SMURF1: variants seen among roughly 807,000 people sequenced by gnomAD.
SMURF1 encodes SMAD specific E3 ubiquitin protein ligase 1.
Under a neutral mutation model 98.0 loss-of-function variants are expected in SMURF1, and 44 were observed. The ratio of observed to expected loss-of-function variants is 0.45; its 90% confidence interval spans 0.35 to 0.58. SMURF1 has a LOEUF of 0.58. SMURF1 is among the 20% of genes least tolerant of loss of function. The probability of loss-of-function intolerance (pLI) is 0.00; values close to 1 mark genes in which losing one functional copy is unlikely to be tolerated. For synonymous variants in SMURF1, 396 were observed against 374.9 expected, an observed-to-expected ratio of 1.06 and a Z score of -0.65; for missense variants, 687 against 938.4, an observed-to-expected ratio of 0.73 and a Z score of 3.50.
intron 11 of SMURF1, 86 bp from the exon 12 acceptor site, chr7:99,042,318 C>T (rs575788835): frequency 7.2e-5 from 63 of 878,990 alleles, no homozygotes; most frequent in African/African-American, 3.9e-4. Context: ...CTCACTCTGT[C>T]GCCCAGGCTG....
chr7:99,041,564 G>A (rs989376591), intron 12 of SMURF1, among the ~76,000 whole-genome samples: 1 of 152,206 alleles, frequency 6.6e-6, no homozygotes, highest in Admixed American at 6.5e-5. Flanking sequence ...TGCACAAGCG[G>A]AGCCTGTCCC....
chr7:99,085,515 A>G (rs894156678), intron 1 of SMURF1, among the ~76,000 whole-genome samples: 1 of 152,306 alleles, frequency 6.6e-6, no homozygotes, highest in African/African-American at 2.4e-5. Flanking sequence ...TCTTTAGAGC[A>G]GTGCAAGAAC....
intron 1 of SMURF1, among the ~76,000 whole-genome samples, chr7:99,133,304 G>C (rs1260038683): frequency 6.6e-6 from 1 of 151,904 alleles, no homozygotes; most frequent in Non-Finnish European, 1.5e-5. Context: ...ACTAAAATTG[G>C]GGGAGGCTGA....
chr7:99,049,689 C>G lies in SMURF1; in HGVS notation c.827G>C (p.Cys276Ser). The G allele has an allele frequency of 6.2e-7, 1 of 1,614,156 alleles. No individual in the cohort carries two copies. The highest frequency in any genetic ancestry group is 8.5e-7 in the Non-Finnish European group (1 of 1,180,026). Residue 276 changes from cysteine (C) to serine (S), a missense_variant, in exon 9 of 18, where the codon TGT (cysteine) becomes TCT (serine). Cys to Ser is a moderately radical substitution (Grantham distance 112). Coordinates refer to ENST00000361368, the MANE Select transcript of SMURF1 (RefSeq NM_181349.3). The part of the protein sequence containing the change: ...RIPRDLNSVN[C>S]DELGPLPPGW... ...TGGCGGCAGTGGTCCAAGTTCATCA[C>G]AGTTCACACTGTTAAGGTCTCTACC...
At chr7:99,143,702 G>C (rs1798200885) in intron 1 of SMURF1, 24 bp downstream of exon 1, 15 of 1,546,752 alleles carry the variant, frequency 9.7e-6, no homozygotes, top group Non-Finnish European at 1.2e-5. Flanking sequence ...GCCGGGGCGC[G>C]GGTGGGCCTC....
chr7:99,142,101 C>A (rs957022691), intron 1 of SMURF1, among the ~76,000 whole-genome samples: 2 of 152,238 alleles, frequency 1.3e-5, no homozygotes, highest in African/African-American at 4.8e-5. Flanking sequence ...TCCAGAACCT[C>A]TGGAGCCCGG....
chr7:99,134,521 G>A (rs1446787192), intron 1 of SMURF1, among the ~76,000 whole-genome samples: 1 of 152,090 alleles, frequency 6.6e-6, no homozygotes, highest in Non-Finnish European at 1.5e-5. Flanking sequence ...AAAGACCTAA[G>A]AGGGGAAAAA....
chr7:99,112,488 T>A (rs1797346356), intron 1 of SMURF1, among the ~76,000 whole-genome samples: 1 of 152,132 alleles, frequency 6.6e-6, no homozygotes, highest in African/African-American at 2.4e-5. Flanking sequence ...GAACAAGGCA[T>A]AGCTATAACA....
At chr7:99,038,599 T>A in intron 13 of SMURF1, 74 bp from the exon 14 acceptor site, 1 of 1,546,284 alleles carries the variant, frequency 6.5e-7, no homozygotes. Context: ...ACAGAAAACA[T>A]TTACGACTGC....
rs542708254 is a variant in SMURF1 at position 99,116,081 on chromosome 7, T to G, written c.55+27645A>C. 1.4e-4 allele frequency among the ~76,000 whole-genome samples: 21 copies of G among 152,322 alleles called. No individual in the cohort carries two copies. In the South Asian group the frequency reaches 4.1e-3, roughly 30 times the overall value. On this transcript the variant is annotated intron_variant, in intron 1 of 17. Transcript: ENST00000361368. Reference sequence around the variant, plus strand: ...TTAACATAGAGCATATTAAAAGGATTATACACCATGATCAAGGGATTTATC... The same window carrying G: ...TTAACATAGAGCATATTAAAAGGATGATACACCATGATCAAGGGATTTATC...
intron 1 of SMURF1, among the ~76,000 whole-genome samples, chr7:99,084,267 T>G: frequency 6.6e-6 from 1 of 152,224 alleles, no homozygotes; most frequent in Non-Finnish European, 1.5e-5. Flanking sequence ...TTAAGTAGAC[T>G]TTTTATTTAT....
At chr7:99,113,614 G>A (rs1469172399) in intron 1 of SMURF1, among the ~76,000 whole-genome samples, 1 of 151,950 alleles carries the variant, frequency 6.6e-6, no homozygotes, top group Non-Finnish European at 1.5e-5. Flanking sequence ...TCCAAGGCGG[G>A]CAGATCACAA....
chr7:99,076,922 T>A (rs1253788823), intron 1 of SMURF1, among the ~76,000 whole-genome samples: 1 of 151,930 alleles, frequency 6.6e-6, no homozygotes, highest in African/African-American at 2.4e-5. Flanking sequence ...AGGGGTAACA[T>A]GGGAACTGTC....
At chr7:99,113,872 T>G (rs1356092180) in intron 1 of SMURF1, among the ~76,000 whole-genome samples, 1 of 136,816 alleles carries the variant, frequency 7.3e-6, no homozygotes, top group African/African-American at 2.8e-5. Context: ...AAAAGAACAT[T>G]AGACAGTAAC....
chr7:99,057,656 G>A (rs1795917901), intron 3 of SMURF1, 105 bp from the exon 4 acceptor site: 5 of 1,310,626 alleles, frequency 3.8e-6, no homozygotes, highest in Non-Finnish European at 5.0e-6. Context: ...CCAGGCTGGA[G>A]TGCAGTTGTG....
At chr7:99,087,544 C>A (rs1027332117) in intron 1 of SMURF1, among the ~76,000 whole-genome samples, 7 of 152,038 alleles carry the variant, frequency 4.6e-5, no homozygotes, top group Admixed American at 4.6e-4. Context: ...ATTATTTAAA[C>A]AAGAATAAAA....
At chr7:99,085,132 C>A (rs943845571) in intron 1 of SMURF1, among the ~76,000 whole-genome samples, 9 of 151,982 alleles carry the variant, frequency 5.9e-5, no homozygotes, top group Non-Finnish European at 1.3e-4. Flanking sequence ...GGGTGGATCA[C>A]CTGAGGTCAG....
At chr7:99,143,521 G>GGC (rs1342549438) in intron 1 of SMURF1, among the ~76,000 whole-genome samples, 3 of 135,938 alleles carry the variant, frequency 2.2e-5, no homozygotes, top group Non-Finnish European at 1.6e-5. Flanking sequence ...AGACCGAGGG[G>GGC]GCGCGAGCGG....
At chr7:99,052,713 A>G (rs1275523053) in intron 6 of SMURF1, among the ~76,000 whole-genome samples, 1 of 152,230 alleles carries the variant, frequency 6.6e-6, no homozygotes, top group Non-Finnish European at 1.5e-5. Context: ...AATGATTAGA[A>G]GAAACCAGCC....
Sources: allele counts gnomAD v4.1 joint callset (sites outside exome capture counted in the v4.1 genomes callset), GRCh38; gene constraint gnomAD v4.1.1; transcripts MANE v1.5; gene names NCBI Gene and HGNC (gene_info 2026-07-23, HGNC 2026-07-21).